Variants in HHLA1 observed in about 807,000 individuals in gnomAD.
HHLA1 encodes HERV-H LTR-associating protein 1.
In HHLA1, 72 loss-of-function variants were observed where a neutral mutation model predicts 69.9. The ratio of observed to expected loss-of-function variants is 1.03; its 90% confidence interval spans 0.85 to 1.25. The LOEUF is 1.25. Ranked by LOEUF, HHLA1 falls within the 50% of genes most tolerant of loss-of-function variation. HHLA1 has a pLI of 0.00. For missense variants in HHLA1, 685 were observed against 642.2 expected (o/e 1.07, Z -0.72); for synonymous variants, 252 against 233.2 (o/e 1.08, Z -0.73).
chr8:132,097,621 G>A (rs1824045702), intron 5 of HHLA1, among the ~76,000 whole-genome samples: 1 of 152,180 alleles, frequency 6.6e-6, no homozygotes, highest in South Asian at 2.1e-4. Context: ...GTTCAGGGCT[G>A]GAAGGGCTAA....
chr8:132,072,708 T>G (rs1426167074), intron 14 of HHLA1, among the ~76,000 whole-genome samples: 1 of 152,220 alleles, frequency 6.6e-6, no homozygotes, highest in Non-Finnish European at 1.5e-5. Context: ...GCAGACTCTC[T>G]GCGGATTGTC....
chr8:132,093,570 T>C (rs1727130494), intron 7 of HHLA1, among the ~76,000 whole-genome samples: 1 of 152,190 alleles, frequency 6.6e-6, no homozygotes, highest in African/African-American at 2.4e-5. Context: ...TTGTCAAACC[T>C]GGCAAAAGTT....
At chr8:132,067,701 A>T (rs1823465380) in intron 15 of HHLA1, among the ~76,000 whole-genome samples, 1 of 152,210 alleles carries the variant, frequency 6.6e-6, no homozygotes, top group East Asian at 1.9e-4. Flanking sequence ...AATTAGATAT[A>T]TTATTTCATT....
intron 1 of HHLA1, among the ~76,000 whole-genome samples, chr8:132,109,740 T>C (rs1824265255): frequency 6.6e-6 from 1 of 152,176 alleles, no homozygotes; most frequent in African/African-American, 2.4e-5. Context: ...TAAAGTCCCT[T>C]GTCCACAGTG....
chr8:132,093,474 C>A (rs1292097671), intron 7 of HHLA1, among the ~76,000 whole-genome samples: 1 of 152,148 alleles, frequency 6.6e-6, no homozygotes, highest in African/African-American at 2.4e-5. Context: ...TAAAGATCAT[C>A]CACAAAGTCA....
chr8:132,103,963 G>T (rs1469184643), intron 3 of HHLA1, 145 bp downstream of exon 3: 1 of 613,748 alleles, frequency 1.6e-6, no homozygotes. Context: ...GAAATGAGTA[G>T]CTCACAGGAA....
chr8:132,098,606 C>T (rs1322517562), intron 5 of HHLA1, among the ~76,000 whole-genome samples: 1 of 152,078 alleles, frequency 6.6e-6, no homozygotes, highest in Non-Finnish European at 1.5e-5. Context: ...GGACCACAGG[C>T]ATGCACCACT....
At position 132,086,223 on chromosome 8, in the gene HHLA1, C is replaced by T. The variant is rs147146746; in HGVS notation, c.676+1430G>A. Among the ~76,000 whole-genome samples the T allele has an allele frequency of 1.6e-4, 24 of 152,234 alleles. No homozygotes were observed. In the South Asian group the frequency reaches 2.3e-3, roughly 14 times the overall value. ...CAAGAGGTGGCAGCAGTGGATATGA[C>T]GATGACAGGCTCCTATTAGCCCATA... On this transcript the variant is annotated intron_variant, in intron 10 of 16. Transcript: ENST00000414222.
At chr8:132,071,242 T>A (rs1377739490) in intron 15 of HHLA1, 98 bp downstream of exon 15, 2 of 1,054,950 alleles carry the variant, frequency 1.9e-6, no homozygotes, top group Non-Finnish European at 2.7e-6. Flanking sequence ...GTCTGTGGAT[T>A]GCTTATTGCC....
chr8:132,106,476 A>G (rs1359729111), intron 1 of HHLA1, among the ~76,000 whole-genome samples: 1 of 152,230 alleles, frequency 6.6e-6, no homozygotes, highest in Non-Finnish European at 1.5e-5. Flanking sequence ...GAATTCACCT[A>G]TTCTCATAAG....
At chr8:132,068,684 A>G (rs1222026649) in intron 15 of HHLA1, among the ~76,000 whole-genome samples, 2 of 152,204 alleles carry the variant, frequency 1.3e-5, no homozygotes, top group Non-Finnish European at 2.9e-5. Context: ...CTAAATTCCT[A>G]GCAGACCAGA....
chr8:132,095,783 C>G lies in HHLA1; in HGVS notation c.284G>C (p.Ser95Thr). 2 of 1,549,046 alleles carry G rather than the reference C, an allele frequency of 1.3e-6. No individual in the cohort carries two copies. The highest frequency in any genetic ancestry group is 2.0e-5 in the Admixed American group (1 of 50,670). Reference sequence around the variant, plus strand: ...ACTCAGCAAGGAGAAGAACTTCTTGCTATCTGCCAAAACATACCAGATAAA... The same window carrying G: ...ACTCAGCAAGGAGAAGAACTTCTTGGTATCTGCCAAAACATACCAGATAAA... ...NGMLSRALKD[S>T]KKFFSLLSVT... Residue 95 changes from serine (S) to threonine (T), a missense_variant, in exon 6 of 17, where the codon AGC (serine) becomes ACC (threonine). Transcript: ENST00000414222.
At chr8:132,078,969 G>A (rs1311908122) in intron 11 of HHLA1, among the ~76,000 whole-genome samples, 2 of 152,072 alleles carry the variant, frequency 1.3e-5, no homozygotes, top group East Asian at 3.9e-4. Flanking sequence ...TGCACAACTT[G>A]CAGGTTTGTT....
intron 10 of HHLA1, among the ~76,000 whole-genome samples, chr8:132,087,274 T>C (rs75575365): frequency 0.012 from 1,859 of 152,006 alleles, 42 homozygotes; most frequent in African/African-American, 0.043. Flanking sequence ...TATTACAGAG[T>C]GGCCAGGTCT....
At chr8:132,088,662 T>TTA (rs1036421266) in intron 8 of HHLA1, among the ~76,000 whole-genome samples, 2 of 152,234 alleles carry the variant, frequency 1.3e-5, no homozygotes, top group Non-Finnish European at 2.9e-5. Flanking sequence ...ATTATTGTTA[T>TTA]TATTAATGTA....
At chr8:132,090,851 C>T (rs932515766) in intron 7 of HHLA1, among the ~76,000 whole-genome samples, 8 of 151,426 alleles carry the variant, frequency 5.3e-5, no homozygotes, top group Admixed American at 1.3e-4. Context: ...TTCCGCCTCC[C>T]AGGTTCACGC....
intron 10 of HHLA1, 199 bp from the exon 11 acceptor site, chr8:132,080,165 C>T (rs1476715191): frequency 1.4e-6 from 1 of 726,902 alleles, no homozygotes; most frequent in Non-Finnish European, 2.4e-6. Flanking sequence ...CCCTCAGCCT[C>T]TCCAGGACTC....
intron 10 of HHLA1, 99 bp downstream of exon 10, chr8:132,087,554 C>T (rs550302362): frequency 2.2e-5 from 16 of 719,396 alleles, no homozygotes; most frequent in Middle Eastern, 3.4e-4. Flanking sequence ...TACAGTATAG[C>T]GAAACACAAC....
intron 2 of HHLA1, among the ~76,000 whole-genome samples, 168 bp downstream of exon 2, chr8:132,105,019 T>A (rs925624344): frequency 6.6e-6 from 1 of 152,184 alleles, no homozygotes; most frequent in African/African-American, 2.4e-5. Flanking sequence ...GGGACTTAAA[T>A]GCAAAAAGTC....
Sources: gnomAD v4.1 joint callset for allele counts (sites outside exome capture counted in the v4.1 genomes callset) on GRCh38, gnomAD v4.1.1 for gene constraint, MANE v1.5 for transcripts, NCBI Gene and HGNC (gene_info 2026-07-23, HGNC 2026-07-21) for gene names.